The following IL5RA variants were observed in gnomAD, a reference collection of about 807,000 sequenced individuals.
IL5RA encodes interleukin-5 receptor subunit alpha.
IL5RA carries 49 observed loss-of-function variants against 50.0 expected under a neutral mutation model. The ratio of observed to expected loss-of-function variants is 0.98; its 90% CI spans 0.78 to 1.24. The LOEUF is 1.24. Ranked by LOEUF, IL5RA falls within the 50% of genes most tolerant of loss-of-function variation. The pLI is 0.00. For missense variants in IL5RA, 600 were observed against 500.4 expected (o/e 1.20, Z -1.90); for synonymous variants, 202 against 174.0 (o/e 1.16, Z -1.26).
At position 3,101,573 on chromosome 3, in the gene IL5RA, G is replaced by A. The variant is rs1333270406; in HGVS notation, c.367+119C>T. The A allele has an allele frequency of 1.0e-5, 9 of 892,580 alleles. No individual in the cohort carries two copies. In the Admixed American group the frequency reaches 1.8e-4, roughly 18 times the overall value. The allele number at this position is 892,580 out of a possible 1,614,324, so 55.3% of individuals were successfully genotyped here. A position where few individuals can be genotyped will look rare whatever the true frequency, so the allele number is the denominator to read the frequency against. ...TGGTTAGGATGTTGTTGATATGGGA[G>A]AGTACTTGAGAAGAACGGGTGACTG... On this transcript the variant is annotated intron_variant, in intron 5 of 11. Coordinates refer to ENST00000446632, the MANE Select transcript of IL5RA (RefSeq NM_175726.4).
chr3:3,099,166 A>C (rs548858640), intron 5 of IL5RA, among the ~76,000 whole-genome samples: 1 of 152,358 alleles, frequency 6.6e-6, no homozygotes, highest in East Asian at 1.9e-4. Flanking sequence ...GCACATTAGC[A>C]TGTTAAAGTC....
intron 8 of IL5RA, among the ~76,000 whole-genome samples, chr3:3,093,988 T>A (rs1311021613): frequency 6.6e-6 from 1 of 152,224 alleles, no homozygotes; most frequent in African/African-American, 2.4e-5. Context: ...CATAGAATTA[T>A]GTGAGGATGG....
chr3:3,098,818 G>A (rs1404166301), intron 5 of IL5RA, among the ~76,000 whole-genome samples: 1 of 152,200 alleles, frequency 6.6e-6, no homozygotes, highest in Admixed American at 6.5e-5. Context: ...CAGCTATTTT[G>A]TTTGGGGCCT....
rs1703183198 is a variant in IL5RA, at chr3:3,092,746, TAG to T, written c.856-386_856-385del. On this transcript the variant is annotated intron_variant, in intron 8 of 11. Coordinates refer to ENST00000446632, the MANE Select transcript of IL5RA (RefSeq NM_175726.4). The surrounding 1 kb of genome is among the most constrained non-coding windows in gnomAD (Gnocchi z 4.2). The stretch of plus-strand genomic sequence containing the variant: ...AATGTCACATGAACGCTAGATTGTC[TAG>T]TGTTGAAATGAAGCTATTTTCTCAT... Among the ~76,000 whole-genome samples, 4 of 152,200 alleles carry T rather than the reference TAG, an allele frequency of 2.6e-5. No homozygotes were observed. Among genetic ancestry groups the T allele is most frequent in the Non-Finnish European group, 5.9e-5 (4 of 68,036 alleles).
At chr3:3,077,021 C>T (rs1230811501) in intron 9 of IL5RA, among the ~76,000 whole-genome samples, 1 of 149,716 alleles carries the variant, frequency 6.7e-6, no homozygotes, top group African/African-American at 2.6e-5. Context: ...ATTGAGTAAC[C>T]CAATGGCATC....
At chr3:3,087,261 T>C (rs1702903666) in intron 9 of IL5RA, among the ~76,000 whole-genome samples, 1 of 152,142 alleles carries the variant, frequency 6.6e-6, no homozygotes, top group African/African-American at 2.4e-5. Flanking sequence ...GCTCTGGAAA[T>C]TCTAGGACAG....
At chr3:3,104,568 A>C (rs1703812468) in intron 3 of IL5RA, among the ~76,000 whole-genome samples, 1 of 147,276 alleles carries the variant, frequency 6.8e-6, no homozygotes, top group South Asian at 2.6e-4. Flanking sequence ...ATGCAGTGGA[A>C]GTTTCTTAAC....
chr3:3,091,610 C>T (rs1019274), intron 9 of IL5RA, among the ~76,000 whole-genome samples: 87,393 of 151,928 alleles, frequency 0.58, 26,935 homozygotes, highest in African/African-American at 0.81. Flanking sequence ...CATGTGCCTG[C>T]AGTCCCAGCT....
At chr3:3,089,803 T>C (rs1189318161) in intron 9 of IL5RA, among the ~76,000 whole-genome samples, 1 of 152,182 alleles carries the variant, frequency 6.6e-6, no homozygotes, top group Non-Finnish European at 1.5e-5. Context: ...TTTGTATTTT[T>C]AGTAGAGACA....
intron 8 of IL5RA, among the ~76,000 whole-genome samples, chr3:3,093,846 T>C (rs1211187062): frequency 6.6e-6 from 1 of 152,250 alleles, no homozygotes. Context: ...TTGAATCTAA[T>C]TGAATTGGCT....
chr3:3,085,706 G>A (rs1702829158), intron 9 of IL5RA, among the ~76,000 whole-genome samples: 1 of 152,068 alleles, frequency 6.6e-6, no homozygotes, highest in Non-Finnish European at 1.5e-5. Context: ...TCTCTGGGGT[G>A]GCCTTCCTTC....
chr3:3,104,992 A>G lies in IL5RA; in HGVS notation c.-3-5T>C. ...ATGCGCCACGATGATCATATCCTAC[A>G]GAAAACAAGGGAGATACCAAAATCA... On this transcript the variant is annotated splice_polypyrimidine_tract_variant and splice_region_variant and intron_variant, in intron 2 of 11. Transcript: ENST00000446632. The G allele has an allele frequency of 3.1e-6, 5 of 1,596,200 alleles. No individual in the cohort carries two copies. The highest frequency in any genetic ancestry group is 4.3e-6 in the Non-Finnish European group (5 of 1,165,872).
chr3:3,072,720 T>C (rs933899738), intron 11 of IL5RA, among the ~76,000 whole-genome samples: 8 of 152,188 alleles, frequency 5.3e-5, no homozygotes, highest in Non-Finnish European at 1.0e-4. Context: ...AAGACCAGCC[T>C]GGCCAACATG....
At chr3:3,090,117 G>T in intron 9 of IL5RA, 1 of 1,283,166 alleles carries the variant, frequency 7.8e-7, no homozygotes, top group Non-Finnish European at 1.1e-6. Context: ...ATAGGACTAA[G>T]ATTATGTATT....
intron 3 of IL5RA, among the ~76,000 whole-genome samples, 199 bp downstream of exon 3, chr3:3,104,704 A>G (rs990281662): frequency 3.9e-5 from 6 of 152,206 alleles, no homozygotes; most frequent in Non-Finnish European, 8.8e-5. Context: ...CCACTGTAGC[A>G]TAACATTTGC....
chr3:3,104,941 G>C lies in IL5RA; in HGVS notation c.44C>G (p.Thr15Ser). The C allele has an allele frequency of 6.2e-7, 1 of 1,613,156 alleles. No homozygotes were observed. Among genetic ancestry groups the C allele is most frequent in the Admixed American group, 1.7e-5 (1 of 59,996 alleles). ...AAGTAAGTCAGCTTGCAGTATCTCA[G>C]TGGCCCCCAAAAGGATGAGTAATAC... ...AHVLLILLGA[T>S]EILQADLLPD... The change falls in exon 3 of 12, where the codon ACT becomes AGT. Residue 15 changes from threonine (T) to serine (S), a missense_variant. By Grantham distance (58) the Thr-to-Ser change is moderately conservative (BLOSUM62 1). Coordinates refer to ENST00000446632, the MANE Select transcript of IL5RA (RefSeq NM_175726.4).
rs1441579957 is a variant in IL5RA at position 3,092,257 on chromosome 3, G to C, written c.961C>G (p.Leu321Val). 3 of 1,613,990 alleles carry C rather than the reference G, an allele frequency of 1.9e-6. No homozygotes were observed. In the East Asian group the frequency reaches 6.7e-5, roughly 36 times the overall value. Reference sequence around the variant, plus strand: ...ATAGGTTGGCTCCACTCACTCCAGAGCCCTGCCTCTCTGCACATGGAGCTC... The same window carrying C: ...ATAGGTTGGCTCCACTCACTCCAGACCCCTGCCTCTCTGCACATGGAGCTC... The part of the protein sequence containing the change: ...AVSSMCREAG[L>V]WSEWSQPIYV... Residue 321 changes from leucine to valine, a missense_variant, in exon 9 of 12, where the codon CTC becomes GTC. By Grantham distance (32) the Leu-to-Val change is conservative. Coordinates refer to ENST00000446632, the MANE Select transcript of IL5RA (RefSeq NM_175726.4). This position sits in a 1 kb window ranked among gnomAD's most constrained non-coding sequence, Gnocchi z 4.2.
At position 3,092,587 on chromosome 3, in the gene IL5RA, A is replaced by T. The variant is rs1013474234; in HGVS notation, c.856-225T>A. Among the ~76,000 whole-genome samples the T allele has an allele frequency of 1.3e-5, 2 of 152,184 alleles. No individual in the cohort carries two copies. The highest frequency in any genetic ancestry group is 4.8e-5 in the African/African-American group (2 of 41,450). On this transcript the variant is annotated intron_variant, in intron 8 of 11. Coordinates refer to ENST00000446632, the MANE Select transcript of IL5RA (RefSeq NM_175726.4). This position sits in a 1 kb window ranked among gnomAD's most constrained non-coding sequence, Gnocchi z 4.2. ...TCTTGTAACCAAAATATACGAAATG[A>T]TCAACGGTCAAGATCCAGGTGTTCC... is the stretch of plus-strand genomic sequence containing the variant.
At position 3,092,506 on chromosome 3, in the gene IL5RA, T is replaced by C. The variant is rs73805630; in HGVS notation, c.856-144A>G. 1.2e-3 allele frequency: 877 copies of C among 755,478 alleles called. 6 individuals carry two copies. The African/African-American group carries it at 0.013, about 12-fold the overall frequency. The allele number at this position is 755,478 out of a possible 1,614,324, so 46.8% of individuals were successfully genotyped here. A position where few individuals can be genotyped will look rare whatever the true frequency, so the allele number is the denominator to read the frequency against. ...ATCAACAGGGCACACATTAATTCGT[T>C]TATGCTAGGTGCGTTAGTGTGGATG... is the stretch of plus-strand genomic sequence containing the variant. On this transcript the variant is annotated intron_variant, in intron 8 of 11. Transcript: ENST00000446632. The surrounding 1 kb of genome is among the most constrained non-coding windows in gnomAD (Gnocchi z 4.2).
Sources: gnomAD v4.1 joint callset for allele counts (sites outside exome capture counted in the v4.1 genomes callset) on GRCh38, gnomAD v4.1.1 for gene constraint, Gnocchi (gnomAD v3.1) non-coding constraint, MANE v1.5 for transcripts, NCBI Gene and HGNC (gene_info 2026-07-23, HGNC 2026-07-21) for gene names.